QRICH1: variants seen among roughly 807,000 people sequenced by gnomAD.
QRICH1 encodes transcriptional regulator QRICH1.
A neutral mutation model predicts 87.1 loss-of-function variants in QRICH1; 16 were observed. The observed-to-expected ratio is 0.18, with a 90% CI of 0.12 to 0.28. QRICH1 has a LOEUF of 0.28. Among genes scored for constraint, QRICH1 ranks in the 10% least tolerant of loss-of-function variants. The probability of loss-of-function intolerance (pLI) is 1.00; values close to 1 mark genes in which losing one functional copy is unlikely to be tolerated. For missense variants in QRICH1, 647 were observed against 951.7 expected, an observed-to-expected ratio of 0.68 and a Z score of 4.21; for synonymous variants, 367 against 368.4, an observed-to-expected ratio of 1.00 and a Z score of 0.05.
At chr3:49,076,621 C>A in intron 2 of QRICH1, 88 bp downstream of exon 2, 1 of 1,204,350 alleles carries the variant, frequency 8.3e-7, no homozygotes. Flanking sequence ...CCTATAACAT[C>A]CACATAGATG....
At chr3:49,091,607 G>C (rs777404911) in intron 1 of QRICH1, among the ~76,000 whole-genome samples, 1 of 152,188 alleles carries the variant, frequency 6.6e-6, no homozygotes, top group Admixed American at 6.5e-5. Flanking sequence ...AGAGGTTCTC[G>C]AAGAGTTATA....
intron 2 of QRICH1, among the ~76,000 whole-genome samples, chr3:49,073,594 G>A (rs544422539): frequency 8.0e-5 from 12 of 150,824 alleles, no homozygotes; most frequent in Admixed American, 2.6e-4. Context: ...CTAGTTTCTC[G>A]TCTTTCAGAA....
chr3:49,045,597 A>G (rs1184797683), intron 5 of QRICH1, among the ~76,000 whole-genome samples: 1 of 150,392 alleles, frequency 6.6e-6, no homozygotes. Context: ...CACCCAGCTA[A>G]TTTTTTTTCT....
intron 6 of QRICH1, 36 bp from the exon 7 acceptor site, chr3:49,033,264 G>T: frequency 7.4e-7 from 1 of 1,358,886 alleles, no homozygotes; most frequent in Non-Finnish European, 9.9e-7. Context: ...ACAAGAGGAT[G>T]GCAGGTGGTC....
At chr3:49,044,905 G>A (rs909681526) in intron 5 of QRICH1, among the ~76,000 whole-genome samples, 2 of 152,102 alleles carry the variant, frequency 1.3e-5, no homozygotes, top group African/African-American at 4.8e-5. Context: ...AGGACTGGGA[G>A]AGCAAAGAAT....
In QRICH1 at chr3:49,057,820, T is replaced by C; in HGVS notation, c.380A>G (p.Gln127Arg). 6.2e-7 allele frequency: 1 copy of C among 1,614,042 alleles called. No homozygotes were observed. Among genetic ancestry groups the C allele is most frequent in the South Asian group, 1.1e-5 (1 of 91,082 alleles). Residue 127 changes from glutamine to arginine, a missense_variant, in exon 3 of 10, where the codon CAG becomes CGG. This residue lies in a region of QRICH1 where 156 missense variants were observed against 164.5 expected (regional missense o/e 0.95). Transcript: ENST00000395443. The surrounding 1 kb of genome is among the most constrained non-coding windows in gnomAD (Gnocchi z 5.4). ...AQLSPQLTVHQPTEQPIQVQV... is the reference protein window; with the variant it reads ...AQLSPQLTVHRPTEQPIQVQV... ...GACCTGGATGGGTTGCTCAGTAGGC[T>C]GGTGAACGGTGAGTTGTGGGGAGAG...
chr3:49,042,114 C>T (rs944122274), intron 6 of QRICH1, among the ~76,000 whole-genome samples: 1 of 145,500 alleles, frequency 6.9e-6, no homozygotes, highest in Admixed American at 6.9e-5. Context: ...GGGGGTGGCA[C>T]GGGGCAGACT....
In QRICH1 at chr3:49,030,287, CA is replaced by C; in HGVS notation, c.*164del. On this transcript the variant is annotated 3_prime_UTR_variant, in exon 10 of 10. Transcript: ENST00000395443. ...CTGCCGCAGCAGGTTTATGAAGATG[CA>C]AAGGGGGCAAAGTTTTCTTTTATAT... is the stretch of plus-strand genomic sequence containing the variant. 1.5e-6 allele frequency: 1 copy of C among 673,776 alleles called. No individual in the cohort carries two copies. The highest frequency in any genetic ancestry group is 2.4e-6 in the Non-Finnish European group (1 of 415,332). 41.7% of individuals were successfully genotyped at this position (673,776 alleles called of 1,614,324 possible). A position where few individuals can be genotyped will look rare whatever the true frequency, so the allele number is the denominator to read the frequency against.
At chr3:49,064,815 G>A (rs1162585517) in intron 2 of QRICH1, among the ~76,000 whole-genome samples, 1 of 152,048 alleles carries the variant, frequency 6.6e-6, no homozygotes, top group African/African-American at 2.4e-5. Flanking sequence ...TCAGGAGTTC[G>A]AGACCCGCCT....
chr3:49,068,433 G>A (rs1417982255), intron 2 of QRICH1, among the ~76,000 whole-genome samples: 2 of 150,224 alleles, frequency 1.3e-5, no homozygotes, highest in African/African-American at 2.4e-5. Flanking sequence ...ATTCCAGCCT[G>A]GGTGACAGAG....
At chr3:49,079,758 G>A (rs1370298997) in intron 1 of QRICH1, among the ~76,000 whole-genome samples, 1 of 152,126 alleles carries the variant, frequency 6.6e-6, no homozygotes, top group Admixed American at 6.6e-5. Flanking sequence ...GCCCAGTGCG[G>A]TGGCTCACGC....
intron 2 of QRICH1, among the ~76,000 whole-genome samples, chr3:49,075,337 A>C (rs2041929863): frequency 6.6e-6 from 1 of 151,488 alleles, no homozygotes; most frequent in Non-Finnish European, 1.5e-5. Flanking sequence ...CCTCAAAAAA[A>C]AAAAAAAAAA....
Position 49,059,851 on chromosome 3 carries a change from G to T in QRICH1, c.310-1961C>A, listed in dbSNP as rs559243349. Among the ~76,000 whole-genome samples the T allele has an allele frequency of 6.9e-4, 105 of 152,048 alleles. No homozygotes were observed. The Middle Eastern group carries it at 0.01, about 15-fold the overall frequency. ...TCCTGCCTTAGCCTCCCAAGTAGCT[G>T]GGATTACATGTGCCTGCCATCACAT... On this transcript the variant is annotated intron_variant, in intron 2 of 9. Transcript: ENST00000395443.
chr3:49,088,331 C>T (rs1408451288), intron 1 of QRICH1, among the ~76,000 whole-genome samples: 1 of 151,908 alleles, frequency 6.6e-6, no homozygotes, highest in Non-Finnish European at 1.5e-5. Context: ...GTCTCGTTTT[C>T]TCACCCAGGA....
At chr3:49,082,512 G>C (rs899619585) in intron 1 of QRICH1, among the ~76,000 whole-genome samples, 16 of 151,744 alleles carry the variant, frequency 1.1e-4, no homozygotes, top group African/African-American at 3.9e-4. Flanking sequence ...AAATAAGCTA[G>C]ATATTCAGCT....
At chr3:49,085,957 A>AAATTAATT (rs1259067918) in intron 1 of QRICH1, among the ~76,000 whole-genome samples, 1 of 151,998 alleles carries the variant, frequency 6.6e-6, no homozygotes, top group Non-Finnish European at 1.5e-5. Flanking sequence ...AGCAATAAAG[A>AAATTAATT]AATTAATTAA....
At chr3:49,048,788 CA>C (rs1193026685) in intron 3 of QRICH1, among the ~76,000 whole-genome samples, 7 of 51,792 alleles carry the variant, frequency 1.4e-4, no homozygotes, top group South Asian at 6.1e-4. Context: ...ACTCTGTTCA[CA>C]AAAAAAAAAA....
Position 49,033,152 on chromosome 3 carries a change from G to T in QRICH1, c.1863C>A (p.Thr621=). The T allele has an allele frequency of 6.3e-7, 1 of 1,579,400 alleles. No homozygotes were observed. Among genetic ancestry groups the T allele is most frequent in the Non-Finnish European group, 8.6e-7 (1 of 1,164,712 alleles). ...TAAAGAACATGAGGGTGGTCAGCAA[G>T]GTGGAGGGGGAGTGAGCCCCAAGCT... ...CKQLGAHSPS[T]LLTTLMFFNT... is the part of the protein sequence containing the mutation. The change falls in exon 7 of 10, where the codon ACC becomes ACA. Residue 621 remains threonine (T), a synonymous_variant. Coordinates refer to ENST00000395443, the MANE Select transcript of QRICH1 (RefSeq NM_198880.3).
At chr3:49,088,057 G>T (rs1000126447) in intron 1 of QRICH1, among the ~76,000 whole-genome samples, 5 of 150,638 alleles carry the variant, frequency 3.3e-5, no homozygotes, top group African/African-American at 1.2e-4. Flanking sequence ...GTTCACGCCA[G>T]TCTCCTGCCT....
Sources: gnomAD v4.1 joint callset for allele counts (sites outside exome capture counted in the v4.1 genomes callset) on GRCh38, gnomAD v4.1.1 for gene constraint, gnomAD v4.1.1 regional missense constraint, Gnocchi (gnomAD v3.1) non-coding constraint, MANE v1.5 for transcripts, NCBI Gene and HGNC (gene_info 2026-07-23, HGNC 2026-07-21) for gene names.